Variants in EYS observed in about 807,000 individuals in gnomAD.
The protein encoded by EYS is protein eyes shut homolog.
A neutral mutation model predicts 282.1 loss-of-function variants in EYS; 250 were observed. The ratio of observed to expected loss-of-function variants is 0.89; its 90% CI spans 0.80 to 0.98. EYS has a LOEUF of 0.98. Ranked by LOEUF, EYS falls within the 50% of genes least tolerant of loss-of-function variation. The probability of loss-of-function intolerance (pLI) is 0.00; values close to 1 mark genes in which losing one functional copy is unlikely to be tolerated. For missense variants in EYS, 4,016 were observed against 3,709.0 expected (o/e 1.08, Z -2.15); for synonymous variants, 1,355 against 1,282.9 (o/e 1.06, Z -1.20).
At chr6:64,406,558 A>C (rs1267526868) in intron 28 of EYS, among the ~76,000 whole-genome samples, 1 of 152,224 alleles carries the variant, frequency 6.6e-6, no homozygotes, top group Non-Finnish European at 1.5e-5. Flanking sequence ...TTTGCAATCT[A>C]TCCATCTGAC....
chr6:65,677,813 A>G (rs1303589867), intron 1 of EYS, among the ~76,000 whole-genome samples: 4 of 152,104 alleles, frequency 2.6e-5, no homozygotes, highest in African/African-American at 9.7e-5. Flanking sequence ...TACAGTAAGC[A>G]AAATAACATG....
At chr6:64,956,076 G>A (rs553400639) in intron 14 of EYS, among the ~76,000 whole-genome samples, 4 of 150,850 alleles carry the variant, frequency 2.7e-5, no homozygotes, top group African/African-American at 7.3e-5. Flanking sequence ...ATCCTTCACA[G>A]AAATAGAAAA....
rs71002313 is a variant in EYS, at chr6:65,512,492, CAAAAAA to C, written c.-332-16505_-332-16500del. Among the ~76,000 whole-genome samples, 309 of 117,802 alleles carry C rather than the reference CAAAAAA, an allele frequency of 2.6e-3. 3 individuals carry two copies. Among genetic ancestry groups the C allele is most frequent in the African/African-American group, 9.2e-3 (295 of 31,974 alleles). 77.3% of individuals were successfully genotyped at this position (117,802 alleles called of 152,430 possible). On this transcript the variant is annotated intron_variant, in intron 2 of 42. Coordinates refer to ENST00000503581, the MANE Select transcript of EYS (RefSeq NM_001142800.2). ...TGGGCGACAGAGCGAGACTCTATCT[CAAAAAA>C]AAAAAAAAAAAAAAATTACATTGTA... is the stretch of plus-strand genomic sequence containing the variant.
chr6:65,526,873 G>A (rs147899915), intron 2 of EYS, among the ~76,000 whole-genome samples: 2 of 152,260 alleles, frequency 1.3e-5, no homozygotes, highest in East Asian at 1.9e-4. Context: ...AGAGGGCACT[G>A]CATAAAGTCC....
At chr6:64,337,626 C>G (rs1221498269) in intron 29 of EYS, among the ~76,000 whole-genome samples, 1 of 151,930 alleles carries the variant, frequency 6.6e-6, no homozygotes, top group Non-Finnish European at 1.5e-5. Flanking sequence ...CTAATTCATT[C>G]CATGAAGCCA....
intron 12 of EYS, among the ~76,000 whole-genome samples, chr6:65,266,568 T>C (rs1300129018): frequency 2.6e-5 from 4 of 151,930 alleles, no homozygotes; most frequent in Non-Finnish European, 5.9e-5. Context: ...AAATTGATCG[T>C]GGTGCATAAG....
Position 64,011,862 on chromosome 6 carries a change from G to A in EYS, c.6726-12679C>T, listed in dbSNP as rs536985983. On this transcript the variant is annotated intron_variant, in intron 33 of 42. Coordinates refer to ENST00000503581, the MANE Select transcript of EYS (RefSeq NM_001142800.2). The stretch of plus-strand genomic sequence containing the variant: ...ATACTGCAAAATTGATGATGATACT[G>A]AATGCTTTCACAGGTGCAAAACATA... Among the ~76,000 whole-genome samples the A allele has an allele frequency of 2.6e-5, 4 of 152,288 alleles. No homozygotes were observed. In the South Asian group the frequency reaches 8.3e-4, roughly 32 times the overall value.
chr6:64,856,636 T>C (rs1175556919), intron 19 of EYS, among the ~76,000 whole-genome samples: 1 of 152,160 alleles, frequency 6.6e-6, no homozygotes, highest in Non-Finnish European at 1.5e-5. Flanking sequence ...TATTCTTTCA[T>C]TTAAGAGTTA....
rs141308523 is a variant in EYS at position 65,343,462 on chromosome 6, T to G, written c.1599+576A>C. On this transcript the variant is annotated intron_variant, in intron 10 of 42. Transcript: ENST00000503581. ...TAAAATGAAGATTCTTAAATTTTTCTTAATTATTGTTACATATTAAAAAAT... is the reference window on the plus strand; with the variant it reads ...TAAAATGAAGATTCTTAAATTTTTCGTAATTATTGTTACATATTAAAAAAT... Among the ~76,000 whole-genome samples, 200 of 151,414 alleles carry G rather than the reference T, an allele frequency of 1.3e-3. 1 individual carries two copies. Among genetic ancestry groups the G allele is most frequent in the African/African-American group, 4.5e-3 (187 of 41,478 alleles).
chr6:64,401,526 T>C (rs914279975), intron 28 of EYS, among the ~76,000 whole-genome samples: 1 of 152,006 alleles, frequency 6.6e-6, no homozygotes, highest in Non-Finnish European at 1.5e-5. Context: ...GAAGACACAC[T>C]TTTTTTATTG....
intron 12 of EYS, among the ~76,000 whole-genome samples, chr6:65,167,975 C>A (rs1765015316): frequency 1.3e-5 from 2 of 151,182 alleles, no homozygotes; most frequent in Admixed American, 6.6e-5. Context: ...ATTTTTACAG[C>A]TTGTCAATCT....
rs533332615 is a variant in EYS, at chr6:63,749,688, C to T, written c.8071+12773G>A. On this transcript the variant is annotated intron_variant, in intron 41 of 42. Transcript: ENST00000503581. ...GTGGTGGTCAAGGGGTCTCCTGCTGCCAGGATTCCAGAGGCCTGTGGTGAG... is the reference window on the plus strand; with the variant it reads ...GTGGTGGTCAAGGGGTCTCCTGCTGTCAGGATTCCAGAGGCCTGTGGTGAG... 3.9e-5 allele frequency among the ~76,000 whole-genome samples: 6 copies of T among 152,292 alleles called. 1 individual carries two copies. In the South Asian group the frequency reaches 1.2e-3, roughly 32 times the overall value.
At chr6:64,433,601 T>G (rs1308263431) in intron 28 of EYS, among the ~76,000 whole-genome samples, 1 of 152,032 alleles carries the variant, frequency 6.6e-6, no homozygotes, top group African/African-American at 2.4e-5. Flanking sequence ...TATCAACTAA[T>G]TTTTGATAAA....
At chr6:64,874,329 A>C (rs1218352348) in intron 19 of EYS, among the ~76,000 whole-genome samples, 1 of 152,084 alleles carries the variant, frequency 6.6e-6, no homozygotes, top group Non-Finnish European at 1.5e-5. Context: ...GTAGAATTTC[A>C]TTGTATCGAA....
At chr6:65,376,825 A>T (rs1381586100) in intron 8 of EYS, among the ~76,000 whole-genome samples, 2 of 152,210 alleles carry the variant, frequency 1.3e-5, no homozygotes, top group Non-Finnish European at 2.9e-5. Context: ...AGAGCTAATT[A>T]TCCTAAATAT....
At chr6:64,485,055 G>A (rs561727676) in intron 26 of EYS, among the ~76,000 whole-genome samples, 7 of 151,650 alleles carry the variant, frequency 4.6e-5, no homozygotes, top group African/African-American at 1.2e-4. Flanking sequence ...TTAGGAATAT[G>A]AAAGAAAAAA....
intron 12 of EYS, among the ~76,000 whole-genome samples, chr6:65,139,970 T>A (rs1764287088): frequency 6.6e-6 from 1 of 152,044 alleles, no homozygotes; most frequent in African/African-American, 2.4e-5. Context: ...CAGAATCTCA[T>A]AATACTATAT....
chr6:64,407,375 CA>C (rs1320841963), intron 28 of EYS, among the ~76,000 whole-genome samples: 3 of 148,834 alleles, frequency 2.0e-5, no homozygotes. Context: ...TGCAACAAAG[CA>C]CCATGGCACA....
chr6:65,340,254 T>C (rs1770149047), intron 10 of EYS, among the ~76,000 whole-genome samples: 1 of 151,174 alleles, frequency 6.6e-6, no homozygotes, highest in Admixed American at 6.6e-5. Flanking sequence ...CATAACATTT[T>C]TGTAGCATGG....
Sources: allele counts gnomAD v4.1 joint callset (sites outside exome capture counted in the v4.1 genomes callset), GRCh38; gene constraint gnomAD v4.1.1; transcripts MANE v1.5; gene names NCBI Gene and HGNC (gene_info 2026-07-23, HGNC 2026-07-21).